Variants in EBF3 observed in about 807,000 individuals in gnomAD.
EBF3 encodes the protein transcription factor COE3.
A neutral mutation model predicts 77.1 loss-of-function variants in EBF3; 18 were observed. That is an observed-to-expected ratio of 0.23 (90% confidence interval 0.16 to 0.35). The LOEUF is 0.35. Among genes scored for constraint, EBF3 ranks in the 10% least tolerant of loss-of-function variants. The probability of loss-of-function intolerance (pLI) is 1.00; values close to 1 mark genes in which losing one functional copy is unlikely to be tolerated. For synonymous variants in EBF3, 350 were observed against 343.5 expected (o/e 1.02, Z -0.21); for missense variants, 558 against 860.0 (o/e 0.65, Z 4.39).
intron 4 of EBF3, 43 bp from the exon 5 acceptor site, chr10:129,959,050 C>G: frequency 6.3e-7 from 1 of 1,595,144 alleles, no homozygotes; most frequent in Non-Finnish European, 8.5e-7. Context: ...GCGGCGCCCG[C>G]GGCTTTGGCG....
chr10:129,924,673 T>C (rs934596709), intron 6 of EBF3, among the ~76,000 whole-genome samples: 12 of 152,208 alleles, frequency 7.9e-5, no homozygotes, highest in Non-Finnish European at 1.6e-4. Flanking sequence ...TGTGTTTCTT[T>C]CTTTTTTCTT....
Position 129,935,856 on chromosome 10 carries a change from C to G in EBF3, c.554+21402G>C, listed in dbSNP as rs57774541. ...ACAGGAGAGGCCAAGACACCAAGAG[C>G]GGCCACGATCAGCCACAGGCAGGCA... is the stretch of plus-strand genomic sequence containing the variant. On this transcript the variant is annotated intron_variant, in intron 6 of 16. Transcript: ENST00000440978. This position sits in a 1 kb window ranked among gnomAD's most constrained non-coding sequence, Gnocchi z 4.2. Among the ~76,000 whole-genome samples, 12,951 of 152,152 alleles carry G rather than the reference C, an allele frequency of 0.085. 1,145 individuals carry two copies. Among genetic ancestry groups the G allele is most frequent in the African/African-American group, 0.23 (9,535 of 41,482 alleles).
Position 129,843,317 on chromosome 10 carries a change from G to A in EBF3, c.1129-115C>T, listed in dbSNP as rs554364540. On this transcript the variant is annotated intron_variant, in intron 11 of 16. Transcript: ENST00000440978. ...GACCAGTCCCCACCCACAGCGACCC[G>A]TCCTGGCCCTGCCGTGCACTTCGAA... The A allele has an allele frequency of 8.7e-4, 950 of 1,093,990 alleles. 8 individuals are homozygous for A. In the African/African-American group the frequency reaches 0.012, roughly 13 times the overall value. The allele number at this position is 1,093,990 out of a possible 1,614,324, so 67.8% of individuals were successfully genotyped here.
At chr10:129,911,157 G>A (rs573244118) in intron 6 of EBF3, among the ~76,000 whole-genome samples, 99 of 152,340 alleles carry the variant, frequency 6.5e-4, no homozygotes, top group African/African-American at 2.4e-3. Context: ...ACATGGCAGT[G>A]ACCAAGCCCC....
At chr10:129,892,175 A>T (rs998195308) in intron 6 of EBF3, among the ~76,000 whole-genome samples, 2 of 152,220 alleles carry the variant, frequency 1.3e-5, no homozygotes, top group African/African-American at 4.8e-5. Flanking sequence ...CCAGGCTCCA[A>T]CTGATGAGTA....
intron 6 of EBF3, among the ~76,000 whole-genome samples, chr10:129,937,399 A>G (rs4751151): frequency 0.81 from 123,435 of 152,006 alleles, 50,557 homozygotes; most frequent in East Asian, 0.96. Context: ...GAGAGGCCCC[A>G]GGGACCTCAG....
chr10:129,929,897 T>C (rs891921973), intron 6 of EBF3, among the ~76,000 whole-genome samples: 3 of 152,190 alleles, frequency 2.0e-5, no homozygotes, highest in Non-Finnish European at 4.4e-5. Context: ...TCTGGGTGTG[T>C]CTGTGAGGGT....
chr10:129,880,450 T>C (rs890826298), intron 6 of EBF3, among the ~76,000 whole-genome samples: 11 of 151,792 alleles, frequency 7.2e-5, no homozygotes, highest in Admixed American at 2.6e-4. Flanking sequence ...CGCATACACA[T>C]ACACATGCAG....
chr10:129,877,943 A>T (rs1852911000), intron 6 of EBF3, 94 bp from the exon 7 acceptor site: 9 of 945,422 alleles, frequency 9.5e-6, no homozygotes, highest in Non-Finnish European at 1.4e-5. Context: ...AGGAGTGGAG[A>T]CTCAACCCCA....
chr10:129,931,266 A>C (rs1014461724), intron 6 of EBF3, among the ~76,000 whole-genome samples: 1 of 152,220 alleles, frequency 6.6e-6, no homozygotes, highest in African/African-American at 2.4e-5. Flanking sequence ...TTGAGAACCC[A>C]ATGTCTTGGG....
intron 6 of EBF3, among the ~76,000 whole-genome samples, chr10:129,915,529 G>A (rs113227443): frequency 1.2e-4 from 18 of 150,970 alleles, no homozygotes; most frequent in African/African-American, 3.9e-4. Flanking sequence ...GTGTTGCTAC[G>A]AAGTGAGTCG....
intron 4 of EBF3, among the ~76,000 whole-genome samples, chr10:129,959,994 C>G (rs1463025403): frequency 3.3e-5 from 5 of 152,186 alleles, no homozygotes; most frequent in Admixed American, 3.3e-4. Context: ...TGGTGCGAAG[C>G]CCTAGGTGCG....
chr10:129,854,660 T>C (rs1004758115), intron 10 of EBF3, among the ~76,000 whole-genome samples: 2 of 152,256 alleles, frequency 1.3e-5, no homozygotes, highest in African/African-American at 2.4e-5. Flanking sequence ...GATCAATGCA[T>C]GGACAGGGCC....
At chr10:129,881,568 G>T (rs1853213494) in intron 6 of EBF3, among the ~76,000 whole-genome samples, 1 of 152,210 alleles carries the variant, frequency 6.6e-6, no homozygotes, top group South Asian at 2.1e-4. Context: ...AGGGGGAAAG[G>T]TGTGATCTTA....
chr10:129,908,451 C>T (rs76987188), intron 6 of EBF3, among the ~76,000 whole-genome samples: 261 of 152,310 alleles, frequency 1.7e-3, no homozygotes, highest in Non-Finnish European at 3.4e-3. Context: ...CTACATGGGC[C>T]GTCCTGGGCA....
chr10:129,877,224 C>T (rs1852848037), intron 7 of EBF3, among the ~76,000 whole-genome samples: 1 of 152,112 alleles, frequency 6.6e-6, no homozygotes. Flanking sequence ...GGCACGGTGG[C>T]TCACGCCTGT....
rs540258783 is a variant in EBF3, at chr10:129,864,305, G to C, written c.1039+2836C>G. ...AATTGGGGGGACGCTGACATCACAG[G>C]CTCCGCCACACCATGTGATACCTGC... On this transcript the variant is annotated intron_variant, in intron 10 of 16. Transcript: ENST00000440978. The surrounding 1 kb of genome is among the most constrained non-coding windows in gnomAD (Gnocchi z 4.4). 3.0e-3 allele frequency among the ~76,000 whole-genome samples: 452 copies of C among 152,222 alleles called. No homozygotes were observed. The highest frequency in any genetic ancestry group is 4.5e-3 in the Non-Finnish European group (307 of 68,004).
chr10:129,956,636 A>G (rs1389910717), intron 6 of EBF3, among the ~76,000 whole-genome samples: 1 of 152,240 alleles, frequency 6.6e-6, no homozygotes, highest in Non-Finnish European at 1.5e-5. Context: ...AGAGCAGCAA[A>G]TGTAAAGAAT....
intron 16 of EBF3, 66 bp from the exon 17 acceptor site, chr10:129,838,026 G>C (rs546422756): frequency 6.3e-7 from 1 of 1,596,866 alleles, no homozygotes; most frequent in Admixed American, 1.7e-5. Flanking sequence ...CAACGCTGAC[G>C]CGGGCGGGGC....
Sources: gnomAD v4.1 joint callset for allele counts (sites outside exome capture counted in the v4.1 genomes callset) on GRCh38, gnomAD v4.1.1 for gene constraint, Gnocchi (gnomAD v3.1) non-coding constraint, MANE v1.5 for transcripts, NCBI Gene and HGNC (gene_info 2026-07-23, HGNC 2026-07-21) for gene names.